Variants in SUSD1 observed in about 807,000 individuals in gnomAD.
SUSD1 encodes the protein sushi domain-containing protein 1.
In SUSD1, 65 loss-of-function variants were observed where a neutral mutation model predicts 86.9. That is an observed-to-expected ratio of 0.75 (90% CI 0.61 to 0.92). The LOEUF is 0.92. Among genes scored for constraint, SUSD1 ranks in the 40% least tolerant of loss-of-function variants. The probability of loss-of-function intolerance (pLI) is 0.00; values close to 1 mark genes in which losing one functional copy is unlikely to be tolerated. For missense variants in SUSD1, 850 were observed against 929.7 expected (o/e 0.91, Z 1.11); for synonymous variants, 346 against 350.0 (o/e 0.99, Z 0.13).
At chr9:112,100,435 C>T (rs983544721) in intron 9 of SUSD1, among the ~76,000 whole-genome samples, 4 of 152,156 alleles carry the variant, frequency 2.6e-5, no homozygotes, top group African/African-American at 9.6e-5. Context: ...ATCCACCCGC[C>T]TTGGCCTCCC....
At chr9:112,155,421 C>T (rs1319451470) in intron 2 of SUSD1, among the ~76,000 whole-genome samples, 2 of 152,072 alleles carry the variant, frequency 1.3e-5, no homozygotes, top group African/African-American at 4.8e-5. Context: ...CCCCTGGAGC[C>T]TCAGACTGCA....
intron 12 of SUSD1, among the ~76,000 whole-genome samples, chr9:112,064,808 AGAGGTT>A (rs1828902386): frequency 6.7e-6 from 1 of 150,270 alleles, no homozygotes; most frequent in Non-Finnish European, 1.5e-5. Flanking sequence ...CCGGGCAGGC[AGAGGTT>A]GCAGTGAGCC....
chr9:112,156,642 C>T (rs1028478877), intron 2 of SUSD1, among the ~76,000 whole-genome samples: 1 of 152,048 alleles, frequency 6.6e-6, no homozygotes, highest in African/African-American at 2.4e-5. Context: ...AACTCCTGGC[C>T]TCAAGTGATC....
At chr9:112,095,449 C>G (rs1281689538) in intron 10 of SUSD1, among the ~76,000 whole-genome samples, 1 of 152,258 alleles carries the variant, frequency 6.6e-6, no homozygotes, top group South Asian at 2.1e-4. Context: ...CAGTTTCCAT[C>G]AAAGAAGCAC....
chr9:112,102,085 C>T, intron 9 of SUSD1, 91 bp downstream of exon 9: 1 of 635,010 alleles, frequency 1.6e-6, no homozygotes. Flanking sequence ...GAAGTTCATT[C>T]ATTTTTAAAT....
intron 1 of SUSD1, among the ~76,000 whole-genome samples, chr9:112,165,154 T>C (rs115331137): frequency 0.01 from 1,573 of 152,306 alleles, 29 homozygotes; most frequent in African/African-American, 0.036. Flanking sequence ...TCCTTCTTTT[T>C]TATTTTTAAC....
chr9:112,134,519 C>A (rs1303069624), intron 5 of SUSD1, among the ~76,000 whole-genome samples: 2 of 152,058 alleles, frequency 1.3e-5, no homozygotes, highest in African/African-American at 4.8e-5. Flanking sequence ...TAATCAAATA[C>A]CACACGTTCT....
Position 112,145,278 on chromosome 9 carries a change from C to CTT in SUSD1, c.374-1657_374-1656dup, listed in dbSNP as rs1262953487. ...AAAAAGCTAGTAATACCATAATTTC[C>CTT]TTTTTTTTTTTTTTTTTTTGAGACA... On this transcript the variant is annotated intron_variant, in intron 3 of 16. Transcript: ENST00000374270. Among the ~76,000 whole-genome samples, 265 of 107,414 alleles carry CTT rather than the reference C, an allele frequency of 2.5e-3. 3 individuals are homozygous for CTT. The highest frequency in any genetic ancestry group is 3.8e-3 in the Non-Finnish European group (190 of 50,574). 70.5% of individuals were successfully genotyped at this position (107,414 alleles called of 152,430 possible). A position where few individuals can be genotyped will look rare whatever the true frequency, so the allele number is the denominator to read the frequency against.
At chr9:112,138,281 G>GTATATACACATATATAT (rs1491304710) in intron 5 of SUSD1, among the ~76,000 whole-genome samples, 7 of 47,236 alleles carry the variant, frequency 1.5e-4, no homozygotes, top group Admixed American at 2.3e-4. Context: ...ATATATATAT[G>GTATATACACATATATAT]AAGTCCAGGA....
intron 12 of SUSD1, among the ~76,000 whole-genome samples, chr9:112,077,808 T>C (rs1829585980): frequency 6.6e-6 from 1 of 152,064 alleles, no homozygotes; most frequent in African/African-American, 2.4e-5. Context: ...TAGCTAGTAA[T>C]CTACTCTTAA....
chr9:112,063,172 T>C, intron 12 of SUSD1, 139 bp from the exon 13 acceptor site: 1 of 496,440 alleles, frequency 2.0e-6, no homozygotes, highest in Admixed American at 3.5e-5. Context: ...TGCCACAATG[T>C]GGAAGAACAT....
At chr9:112,078,809 C>CAA in intron 11 of SUSD1, 85 bp from the exon 12 acceptor site, 3 of 829,698 alleles carry the variant, frequency 3.6e-6, no homozygotes, top group Non-Finnish European at 5.2e-6. Context: ...CTTTTTCTTT[C>CAA]TCTTTTTTTT....
chr9:112,064,808 A>G (rs12377321), intron 12 of SUSD1, among the ~76,000 whole-genome samples: 56,159 of 150,262 alleles, frequency 0.37, 13,904 homozygotes, highest in African/African-American at 0.71. Flanking sequence ...CCGGGCAGGC[A>G]GAGGTTGCAG....
In SUSD1 at chr9:112,130,597, GAAGGA is replaced by G. The variant is rs150114565; in HGVS notation, c.707-6166_707-6162del. Among the ~76,000 whole-genome samples, 5 of 129,404 alleles carry G rather than the reference GAAGGA, an allele frequency of 3.9e-5. No individual in the cohort carries two copies. The South Asian group carries it at 6.5e-4, about 17-fold the overall frequency. 84.9% of individuals were successfully genotyped at this position (129,404 alleles called of 152,430 possible). A position where few individuals can be genotyped will look rare whatever the true frequency, so the allele number is the denominator to read the frequency against. ...AAAGGAAAGGAGGAAGGAAGGAAAGGAAGGAAAGGAAAGGAAGGAAAGGAAAGGAA... is the reference window on the plus strand; with the variant it reads ...AAAGGAAAGGAGGAAGGAAGGAAAGGAAGGAAAGGAAGGAAAGGAAAGGAA... On this transcript the variant is annotated intron_variant, in intron 5 of 16. Coordinates refer to ENST00000374270, the MANE Select transcript of SUSD1 (RefSeq NM_022486.5).
chr9:112,052,118 G>T, intron 15 of SUSD1: 1 of 1,369,662 alleles, frequency 7.3e-7, no homozygotes, highest in Admixed American at 3.0e-5. Context: ...TAGAAACAGA[G>T]AACTGAAACA....
At chr9:112,165,918 A>G (rs1213634463) in intron 1 of SUSD1, among the ~76,000 whole-genome samples, 15 of 79,184 alleles carry the variant, frequency 1.9e-4, no homozygotes, top group South Asian at 4.3e-4. Context: ...AGGAAGGAAG[A>G]AAGAAAAGAA....
intron 12 of SUSD1, among the ~76,000 whole-genome samples, chr9:112,068,716 AAT>A (rs201947628): frequency 0.067 from 9,003 of 134,588 alleles, 396 homozygotes; most frequent in East Asian, 0.14. Context: ...AAAAAAAAAA[AAT>A]ATTTTTAGCC....
intron 5 of SUSD1, among the ~76,000 whole-genome samples, chr9:112,136,031 C>T (rs552237505): frequency 6.6e-6 from 1 of 152,328 alleles, no homozygotes; most frequent in African/African-American, 2.4e-5. Flanking sequence ...AATGTCATCA[C>T]TCATTCTGCA....
chr9:112,101,611 C>T (rs2099161), intron 9 of SUSD1, among the ~76,000 whole-genome samples: 96,701 of 151,972 alleles, frequency 0.64, 31,050 homozygotes, highest in East Asian at 0.78. Flanking sequence ...TTTGGGAGGC[C>T]GAGGAGGGCA....
Sources: allele counts gnomAD v4.1 joint callset (sites outside exome capture counted in the v4.1 genomes callset), GRCh38; gene constraint gnomAD v4.1.1; transcripts MANE v1.5; gene names NCBI Gene and HGNC (gene_info 2026-07-23, HGNC 2026-07-21).